Variants in SV2B observed in about 807,000 individuals in gnomAD.
The protein encoded by SV2B is solute carrier family 22 member B2.
SV2B carries 41 observed loss-of-function variants against 73.9 expected under a neutral mutation model. The observed-to-expected ratio is 0.56, with a 90% CI of 0.43 to 0.72. The LOEUF (loss-of-function observed/expected upper bound fraction) is 0.72. Among genes scored for constraint, SV2B ranks in the 30% least tolerant of loss-of-function variants. SV2B has a pLI of 0.00. For missense variants in SV2B, 764 were observed against 857.8 expected, an observed-to-expected ratio of 0.89 and a Z score of 1.37; for synonymous variants, 314 against 314.2, an observed-to-expected ratio of 1.00 and a Z score of 0.01.
intron 1 of SV2B, among the ~76,000 whole-genome samples, chr15:91,161,855 C>T (rs2043731391): frequency 6.6e-6 from 1 of 152,216 alleles, no homozygotes; most frequent in African/African-American, 2.4e-5. Context: ...CTTCAAAGTA[C>T]TCTGTGTGTC....
Position 91,242,843 on chromosome 15 carries a change from C to G in SV2B, c.452-8976C>G, listed in dbSNP as rs751021853. ...GGTTCTCAAATAGTAGGTGAAACTA[C>G]TGTTTGGCTAGTAGTGTTTTAAAAC... is the stretch of plus-strand genomic sequence containing the variant. On this transcript the variant is annotated intron_variant, in intron 2 of 12. Coordinates refer to ENST00000394232, the MANE Select transcript of SV2B (RefSeq NM_001323032.3). This position sits in a 1 kb window ranked among gnomAD's most constrained non-coding sequence, Gnocchi z 4.9. 3.9e-5 allele frequency among the ~76,000 whole-genome samples: 6 copies of G among 152,184 alleles called. No individual in the cohort carries two copies. Among genetic ancestry groups the G allele is most frequent in the Non-Finnish European group, 8.8e-5 (6 of 68,038 alleles).
At chr15:91,259,385 T>G (rs2047824673) in intron 5 of SV2B, among the ~76,000 whole-genome samples, 1 of 152,174 alleles carries the variant, frequency 6.6e-6, no homozygotes, top group African/African-American at 2.4e-5. Flanking sequence ...AGCCCCAATC[T>G]GCAGAGTCCA....
At chr15:91,159,268 A>G (rs1319042750) in intron 1 of SV2B, among the ~76,000 whole-genome samples, 1 of 152,140 alleles carries the variant, frequency 6.6e-6, no homozygotes, top group African/African-American at 2.4e-5. Flanking sequence ...GCTCTTGGAT[A>G]TAATGTTCGG....
At position 91,201,892 on chromosome 15, in the gene SV2B, A is replaced by C. The variant is rs2045471274; in HGVS notation, c.-391-23981A>C. Among the ~76,000 whole-genome samples, 4 of 152,078 alleles carry C rather than the reference A, an allele frequency of 2.6e-5. No homozygotes were observed. The South Asian group carries it at 8.3e-4, about 32-fold the overall frequency. On this transcript the variant is annotated intron_variant, in intron 1 of 12. Transcript: ENST00000394232. ...GCTCCCTGCCTCTTTCCTTGTGCCT[A>C]GCCTCCCACTCCCCAACCCCATCAA...
At chr15:91,178,172 C>T (rs1357193085) in intron 1 of SV2B, among the ~76,000 whole-genome samples, 27 of 151,442 alleles carry the variant, frequency 1.8e-4, no homozygotes, top group Non-Finnish European at 4.0e-4. Context: ...GTCTTTGGTT[C>T]TGTTTATATG....
At chr15:91,217,470 C>T (rs1012863699) in intron 1 of SV2B, among the ~76,000 whole-genome samples, 1 of 151,924 alleles carries the variant, frequency 6.6e-6, no homozygotes, top group Non-Finnish European at 1.5e-5. Context: ...ATGTAAGTGA[C>T]GAGTTAATGG....
Position 91,268,374 on chromosome 15 carries a change from G to A in SV2B, c.1209-67G>A, listed in dbSNP as rs191186386. 21 of 1,516,794 alleles carry A rather than the reference G, an allele frequency of 1.4e-5. No homozygotes were observed. In the Admixed American group the frequency reaches 3.4e-4, roughly 25 times the overall value. 94.0% of individuals were successfully genotyped at this position (1,516,794 alleles called of 1,614,324 possible). ...GAGTTTGATCTGCATCAAGTCAAGA[G>A]TGTAGACCCTGATCATGAAAGAATG... On this transcript the variant is annotated intron_variant, in intron 8 of 12. Coordinates refer to ENST00000394232, the MANE Select transcript of SV2B (RefSeq NM_001323032.3). This position sits in a 1 kb window ranked among gnomAD's most constrained non-coding sequence, Gnocchi z 4.4.
rs769359930 is a variant in SV2B at position 91,165,785 on chromosome 15, C to T, written c.-391-60088C>T. 2.6e-4 allele frequency among the ~76,000 whole-genome samples: 40 copies of T among 152,104 alleles called. 1 individual carries two copies. The highest frequency in any genetic ancestry group is 6.3e-3 in the Middle Eastern group (2 of 316). ...ACAGTCATACATATTTTAAAGAATT[C>T]GAGGAGAAAAATAGTCAATTATGTT... is the stretch of plus-strand genomic sequence containing the variant. On this transcript the variant is annotated intron_variant, in intron 1 of 12. Coordinates refer to ENST00000394232, the MANE Select transcript of SV2B (RefSeq NM_001323032.3).
At chr15:91,151,737 C>T (rs1334344383) in intron 1 of SV2B, among the ~76,000 whole-genome samples, 1 of 152,180 alleles carries the variant, frequency 6.6e-6, no homozygotes, top group Non-Finnish European at 1.5e-5. Flanking sequence ...TCGTCAGAAA[C>T]CCCTTATATG....
In SV2B at chr15:91,124,568, C is replaced by T. The variant is rs1284776370; in HGVS notation, c.-392+24205C>T. Among the ~76,000 whole-genome samples, 1 of 152,184 alleles carries T rather than the reference C, an allele frequency of 6.6e-6. No individual in the cohort carries two copies. The highest frequency in any genetic ancestry group is 1.5e-5 in the Non-Finnish European group (1 of 68,026). ...CCCAAATGCCAAAAATACTTCTTCT[C>T]AAAAGAAGACTATTCATTTGCTGGG... is the stretch of plus-strand genomic sequence containing the variant. On this transcript the variant is annotated intron_variant, in intron 1 of 12. Coordinates refer to ENST00000394232, the MANE Select transcript of SV2B (RefSeq NM_001323032.3). This position sits in a 1 kb window ranked among gnomAD's most constrained non-coding sequence, Gnocchi z 4.6.
chr15:91,226,438 G>A lies in SV2B; in HGVS notation c.175G>A (p.Val59Ile). The A allele has an allele frequency of 6.2e-7, 1 of 1,614,190 alleles. No homozygotes were observed. Among genetic ancestry groups the A allele is most frequent in the Non-Finnish European group, 8.5e-7 (1 of 1,180,024 alleles). ...CCAGGGTATCCCTCACCCAGATGAT[G>A]TCAAGGCCAAGCAGGCCAAGATGGC... ...EYQGIPHPDDVKAKQAKMAPS... is the reference protein window; with the variant it reads ...EYQGIPHPDDIKAKQAKMAPS... The change falls in exon 2 of 13, where the codon GTC (valine) becomes ATC (isoleucine). Residue 59 changes from valine to isoleucine, a missense_variant. By Grantham distance (29) the Val-to-Ile change is conservative. Transcript: ENST00000394232.
chr15:91,162,935 T>C, intron 1 of SV2B, among the ~76,000 whole-genome samples: 2 of 142,376 alleles, frequency 1.4e-5, no homozygotes, highest in East Asian at 2.5e-4. Context: ...CACGACAGGC[T>C]CCTGTGTGTG....
At position 91,221,693 on chromosome 15, in the gene SV2B, G is replaced by GCGCGCACA. The variant is rs370290337; in HGVS notation, c.-391-4179_-391-4178insGCGCACAC. On this transcript the variant is annotated intron_variant, in intron 1 of 12. Coordinates refer to ENST00000394232, the MANE Select transcript of SV2B (RefSeq NM_001323032.3). ...CTGTGGACTATTACCAAGCATGTGC[G>GCGCGCACA]CACACACACACACACACACACACAC... 2.8e-4 allele frequency among the ~76,000 whole-genome samples: 39 copies of GCGCGCACA among 140,160 alleles called. 1 individual carries two copies. The highest frequency in any genetic ancestry group is 1.2e-3 in the South Asian group (5 of 4,316). The allele number at this position is 140,160 out of a possible 152,430, so 92.0% of individuals were successfully genotyped here.
intron 1 of SV2B, among the ~76,000 whole-genome samples, chr15:91,185,113 T>C (rs9646229): frequency 6.6e-6 from 1 of 152,182 alleles, no homozygotes; most frequent in African/African-American, 2.4e-5. Flanking sequence ...GTTTTGTTGC[T>C]CAGGCTGGAG....
Position 91,132,937 on chromosome 15 carries a change from C to T in SV2B, c.-392+32574C>T, listed in dbSNP as rs534650215. On this transcript the variant is annotated intron_variant, in intron 1 of 12. Coordinates refer to ENST00000394232, the MANE Select transcript of SV2B (RefSeq NM_001323032.3). The surrounding 1 kb of genome is among the most constrained non-coding windows in gnomAD (Gnocchi z 4.6). ...GGCGCCATTTCACTTAAGGCCAGTG[C>T]ATAATAAGGGCTAAAAGACTAAAGA... Among the ~76,000 whole-genome samples the T allele has an allele frequency of 1.3e-5, 2 of 152,276 alleles. No individual in the cohort carries two copies. Among genetic ancestry groups the T allele is most frequent in the South Asian group, 2.1e-4 (1 of 4,822 alleles).
intron 1 of SV2B, among the ~76,000 whole-genome samples, chr15:91,143,009 T>G (rs77573390): frequency 0.32 from 48,845 of 152,050 alleles, 8,444 homozygotes; most frequent in Non-Finnish European, 0.38. Context: ...TGCTTCAGTG[T>G]AAATGAGGCT....
chr15:91,155,718 T>G (rs2040578), intron 1 of SV2B, among the ~76,000 whole-genome samples: 1 of 151,864 alleles, frequency 6.6e-6, no homozygotes, highest in Admixed American at 6.6e-5. Context: ...GAAAAAAAAC[T>G]GGTGAGTCAA....
At chr15:91,181,581 C>T (rs2044569493) in intron 1 of SV2B, among the ~76,000 whole-genome samples, 1 of 151,580 alleles carries the variant, frequency 6.6e-6, no homozygotes, top group African/African-American at 2.4e-5. Context: ...TACTCAGAGT[C>T]ATGTAAGAAC....
At chr15:91,189,946 C>G (rs2044940476) in intron 1 of SV2B, among the ~76,000 whole-genome samples, 1 of 151,932 alleles carries the variant, frequency 6.6e-6, no homozygotes, top group Admixed American at 6.6e-5. Context: ...TGAGATTGCG[C>G]CACTGCACTC....
Sources: allele counts gnomAD v4.1 joint callset (sites outside exome capture counted in the v4.1 genomes callset), GRCh38; gene constraint gnomAD v4.1.1; non-coding constraint Gnocchi (gnomAD v3.1); transcripts MANE v1.5; gene names NCBI Gene and HGNC (gene_info 2026-07-23, HGNC 2026-07-21).